SLC9B1: variants seen among roughly 807,000 people sequenced by gnomAD.
SLC9B1 encodes solute carrier family 9 member B1.
In SLC9B1, 32 loss-of-function variants were observed where a neutral mutation model predicts 51.7. The observed-to-expected ratio is 0.62, with a 90% CI of 0.47 to 0.83. The LOEUF is 0.83. SLC9B1 is among the 40% of genes least tolerant of loss of function. The probability of loss-of-function intolerance (pLI) is 0.00; values close to 1 mark genes in which losing one functional copy is unlikely to be tolerated. For synonymous variants in SLC9B1, 145 were observed against 212.7 expected, an observed-to-expected ratio of 0.68 and a Z score of 2.77; for missense variants, 406 against 613.2, an observed-to-expected ratio of 0.66 and a Z score of 3.57.
intron 1 of SLC9B1, among the ~76,000 whole-genome samples, chr4:102,999,785 T>C (rs1260859484): frequency 1.3e-5 from 2 of 152,236 alleles, no homozygotes; most frequent in African/African-American, 2.4e-5. Context: ...TGATAAATTA[T>C]GGCAGTGTCA....
chr4:102,996,890 G>T (rs1483549902), intron 1 of SLC9B1, among the ~76,000 whole-genome samples: 1 of 151,538 alleles, frequency 6.6e-6, no homozygotes, highest in African/African-American at 2.4e-5. Context: ...GGGCTCAAGT[G>T]ATCCTCCCAC....
At position 102,991,708 on chromosome 4, in the gene SLC9B1, G is replaced by T; in HGVS notation, c.4C>A (p.His2Asn). The T allele has an allele frequency of 6.4e-7, 1 of 1,573,272 alleles. No individual in the cohort carries two copies. Among genetic ancestry groups the T allele is most frequent in the Non-Finnish European group, 8.6e-7 (1 of 1,157,044 alleles). The change falls in exon 2 of 12, where the codon CAT becomes AAT. Residue 2 changes from histidine to asparagine, a missense_variant. His to Asn is a moderately conservative substitution (Grantham distance 68, BLOSUM62 1). This residue lies in a region of SLC9B1 where 108 missense variants were observed against 94.5 expected (regional missense o/e 1.14). Coordinates refer to ENST00000296422, the MANE Select transcript of SLC9B1 (RefSeq NM_139173.4). M[H>N]TTESKNEHLE... ...TGTTCATTTTTTGATTCTGTGGTAT[G>T]CATGCTAAGATTTAAAAGAAAAATA...
intron 11 of SLC9B1, 147 bp downstream of exon 11, chr4:102,905,367 T>C (rs1734993197): frequency 2.0e-6 from 2 of 1,005,072 alleles, no homozygotes; most frequent in African/African-American, 3.4e-5. Context: ...ACTGGTTACG[T>C]TAATTTTAAT....
intron 11 of SLC9B1, among the ~76,000 whole-genome samples, chr4:102,903,830 G>A (rs1187761511): frequency 6.6e-6 from 1 of 152,164 alleles, no homozygotes; most frequent in Non-Finnish European, 1.5e-5. Context: ...TGCATGTCAG[G>A]CACTGTGTTA....
rs555256589 is a variant in SLC9B1, at chr4:102,911,337, A to G, written c.936+94T>C. Reference sequence around the variant, plus strand: ...TTGGAGGCTAGTTTTAGAGAAATAGAATTAAGTATTAAATTTCATCGACCT... The same window carrying G: ...TTGGAGGCTAGTTTTAGAGAAATAGGATTAAGTATTAAATTTCATCGACCT... On this transcript the variant is annotated intron_variant, in intron 8 of 11. Transcript: ENST00000296422. The G allele has an allele frequency of 5.8e-4, 470 of 813,320 alleles. No homozygotes were observed. The African/African-American group carries it at 6.7e-3, about 12-fold the overall frequency. 50.4% of individuals were successfully genotyped at this position (813,320 alleles called of 1,614,324 possible).
At chr4:103,003,282 A>G (rs1216295598) in intron 1 of SLC9B1, among the ~76,000 whole-genome samples, 2 of 152,158 alleles carry the variant, frequency 1.3e-5, no homozygotes, top group African/African-American at 2.4e-5. Flanking sequence ...AAGCATCTAC[A>G]TCTCTGAATA....
At chr4:102,990,906 A>G (rs969811359) in intron 2 of SLC9B1, among the ~76,000 whole-genome samples, 1 of 152,072 alleles carries the variant, frequency 6.6e-6, no homozygotes, top group African/African-American at 2.4e-5. Context: ...TAATTAACCT[A>G]TTGGAGTTCT....
In SLC9B1 at chr4:103,016,290, AC is replaced by A. The variant is rs377299817; in HGVS notation, c.-2+3308del. Among the ~76,000 whole-genome samples, 33 of 151,518 alleles carry A rather than the reference AC, an allele frequency of 2.2e-4. No individual in the cohort carries two copies. The South Asian group carries it at 5.2e-3, about 24-fold the overall frequency. On this transcript the variant is annotated intron_variant, in intron 1 of 11. Transcript: ENST00000296422. ...CACTCTCTCTTATACCATCATTTCC[AC>A]CCCCCTCTATTGGATTATTCTCAGT... is the stretch of plus-strand genomic sequence containing the variant.
At chr4:102,909,628 G>A (rs1449285991) in intron 9 of SLC9B1, among the ~76,000 whole-genome samples, 2 of 151,556 alleles carry the variant, frequency 1.3e-5, no homozygotes, top group Non-Finnish European at 2.9e-5. Flanking sequence ...GAACAACACT[G>A]TTTATGACAG....
At chr4:102,916,605 C>A (rs914811558) in intron 7 of SLC9B1, among the ~76,000 whole-genome samples, 1 of 152,172 alleles carries the variant, frequency 6.6e-6, no homozygotes, top group Non-Finnish European at 1.5e-5. Context: ...ATATACAGAA[C>A]ACTTCACCCA....
At chr4:102,969,169 C>T (rs1209153847) in intron 3 of SLC9B1, among the ~76,000 whole-genome samples, 1 of 152,248 alleles carries the variant, frequency 6.6e-6, no homozygotes, top group Admixed American at 6.5e-5. Flanking sequence ...TCTGACAGCT[C>T]TGAAGAGAGC....
intron 2 of SLC9B1, among the ~76,000 whole-genome samples, chr4:102,991,094 A>G (rs952253893): frequency 1.3e-5 from 2 of 152,110 alleles, no homozygotes; most frequent in Non-Finnish European, 1.5e-5. Context: ...TTCTTCACAG[A>G]TAATTAGAAT....
In SLC9B1 at chr4:102,991,732, T is replaced by C; in HGVS notation, c.-1-20A>G. On this transcript the variant is annotated intron_variant, in intron 1 of 11. Coordinates refer to ENST00000296422, the MANE Select transcript of SLC9B1 (RefSeq NM_139173.4). ...TGCATGCTAAGATTTAAAAGAAAAA[T>C]ACTTTAAAAGAAGAAACAAGACTAT... 10 of 1,505,568 alleles carry C rather than the reference T, an allele frequency of 6.6e-6. No homozygotes were observed. Among genetic ancestry groups the C allele is most frequent in the Non-Finnish European group, 9.0e-6 (10 of 1,111,138 alleles). 93.3% of individuals were successfully genotyped at this position (1,505,568 alleles called of 1,614,324 possible).
At chr4:102,948,324 A>G (rs1311035695) in intron 4 of SLC9B1, among the ~76,000 whole-genome samples, 1 of 138,256 alleles carries the variant, frequency 7.2e-6, no homozygotes, top group Non-Finnish European at 1.5e-5. Flanking sequence ...AGGCAAAGCC[A>G]TACACACACA....
At chr4:102,983,250 T>C (rs1004898715) in intron 3 of SLC9B1, among the ~76,000 whole-genome samples, 1 of 152,174 alleles carries the variant, frequency 6.6e-6, no homozygotes, top group African/African-American at 2.4e-5. Flanking sequence ...CACTTGGTCA[T>C]GGTCATGGTG....
At chr4:102,893,294 AAAAAAAAAAAAG>A in intron 11 of SLC9B1, among the ~76,000 whole-genome samples, 1 of 149,654 alleles carries the variant, frequency 6.7e-6, no homozygotes, top group African/African-American at 2.5e-5. Flanking sequence ...AAAAAAAAAA[AAAAAAAAAAAAG>A]AAAAAGAAAA....
At chr4:102,972,423 T>G (rs536870493) in intron 3 of SLC9B1, among the ~76,000 whole-genome samples, 5 of 152,272 alleles carry the variant, frequency 3.3e-5, no homozygotes, top group Admixed American at 6.5e-5. Flanking sequence ...TTTTTGTATT[T>G]TTAGTAGAGA....
intron 3 of SLC9B1, among the ~76,000 whole-genome samples, chr4:102,967,236 C>T (rs1364802181): frequency 6.6e-6 from 1 of 152,324 alleles, no homozygotes; most frequent in Non-Finnish European, 1.5e-5. Context: ...ATCCTTAATG[C>T]TCTGTTTATG....
At chr4:102,984,195 T>C (rs914361507) in intron 3 of SLC9B1, among the ~76,000 whole-genome samples, 3 of 152,044 alleles carry the variant, frequency 2.0e-5, no homozygotes, top group African/African-American at 7.2e-5. Flanking sequence ...TGGCTCATTA[T>C]AGCCTCTGCC....
Sources: allele counts gnomAD v4.1 joint callset (sites outside exome capture counted in the v4.1 genomes callset), GRCh38; gene constraint gnomAD v4.1.1; regional missense constraint gnomAD v4.1.1; transcripts MANE v1.5; gene names NCBI Gene and HGNC (gene_info 2026-07-23, HGNC 2026-07-21).